DNAH5: variants seen among roughly 807,000 people sequenced by gnomAD.
The protein encoded by DNAH5 is axonemal beta dynein heavy chain 5.
A neutral mutation model predicts 518.2 loss-of-function variants in DNAH5; 372 were observed. That is an observed-to-expected ratio of 0.72 (90% CI 0.66 to 0.78). The LOEUF (loss-of-function observed/expected upper bound fraction) is 0.78, where lower values mean the gene tolerates loss of function less well. Ranked by LOEUF, DNAH5 falls within the 30% of genes least tolerant of loss-of-function variation. The probability of loss-of-function intolerance (pLI) is 0.00; values close to 1 mark genes in which losing one functional copy is unlikely to be tolerated. For synonymous variants in DNAH5, 2,039 were observed against 2,025.9 expected (o/e 1.01, Z -0.17); for missense variants, 5,523 against 5,687.0 (o/e 0.97, Z 0.93).
At chr5:13,994,341 T>G (rs1389424439) in intron 1 of DNAH5, among the ~76,000 whole-genome samples, 1 of 152,196 alleles carries the variant, frequency 6.6e-6, no homozygotes, top group Non-Finnish European at 1.5e-5. Context: ...GCTGAGATCA[T>G]GAATTATTTA....
At position 13,807,576 on chromosome 5, in the gene DNAH5, C is replaced by A; in HGVS notation, c.7887+15G>T. ...ACAAAATTGGGCTTACTGAGCCATACCAAAGAGCCAGTACCTGGAACATCA... is the reference window on the plus strand; with the variant it reads ...ACAAAATTGGGCTTACTGAGCCATAACAAAGAGCCAGTACCTGGAACATCA... On this transcript the variant is annotated intron_variant, in intron 47 of 78. Coordinates refer to ENST00000265104, the MANE Select transcript of DNAH5 (RefSeq NM_001369.3). 6.2e-7 allele frequency: 1 copy of A among 1,612,654 alleles called. No individual in the cohort carries two copies. The highest frequency in any genetic ancestry group is 8.5e-7 in the Non-Finnish European group (1 of 1,179,186).
chr5:13,923,488 A>T, intron 3 of DNAH5, 48 bp from the exon 4 acceptor site: 9 of 1,607,044 alleles, frequency 5.6e-6, no homozygotes, highest in Non-Finnish European at 6.8e-6. Context: ...TTTGCAGTCC[A>T]TGTGGTTCCC....
chr5:13,852,683 G>A (rs1767049626), intron 30 of DNAH5, among the ~76,000 whole-genome samples: 1 of 152,152 alleles, frequency 6.6e-6, no homozygotes, highest in African/African-American at 2.4e-5. Flanking sequence ...GCTTGGTGGG[G>A]GGAGGGGGGT....
rs146413256 is a variant in DNAH5 at position 13,724,328 on chromosome 5, A to C, written c.12034-3083T>G. 2.8e-3 allele frequency among the ~76,000 whole-genome samples: 431 copies of C among 152,264 alleles called. 4 individuals carry two copies. Among genetic ancestry groups the C allele is most frequent in the Admixed American group, 9.1e-3 (139 of 15,304 alleles). ...GTTTCAGACTTGCATAGGGCCTACT[A>C]TTCCTTTCTTTTGGCCAATTTCTCC... On this transcript the variant is annotated intron_variant, in intron 70 of 78. Transcript: ENST00000265104.
intron 77 of DNAH5, 118 bp from the exon 78 acceptor site, chr5:13,700,989 T>C: frequency 9.0e-7 from 1 of 1,107,462 alleles, no homozygotes; most frequent in East Asian, 2.5e-5. Context: ...TACAATAGTA[T>C]TTAAAGAATT....
At position 13,737,236 on chromosome 5, in the gene DNAH5, T is replaced by C; in HGVS notation, c.11455+16A>G. The C allele has an allele frequency of 6.2e-7, 1 of 1,614,032 alleles. No individual in the cohort carries two copies. The highest frequency in any genetic ancestry group is 8.5e-7 in the Non-Finnish European group (1 of 1,179,942). Reference sequence around the variant, plus strand: ...TTCATTTTCCTGTGACATTTGTCTTTCATTACCAAACTCACCAGGTCTGTA... The same window carrying C: ...TTCATTTTCCTGTGACATTTGTCTTCCATTACCAAACTCACCAGGTCTGTA... On this transcript the variant is annotated intron_variant, in intron 66 of 78. Transcript: ENST00000265104.
At chr5:13,886,536 C>G (rs573756500) in intron 17 of DNAH5, among the ~76,000 whole-genome samples, 3 of 152,186 alleles carry the variant, frequency 2.0e-5, no homozygotes, top group Non-Finnish European at 4.4e-5. Context: ...ACCCTTCTAA[C>G]TATATTGTGC....
At position 13,879,620 on chromosome 5, in the gene DNAH5, C is replaced by T. The variant is rs1268776564; in HGVS notation, c.3263-2803G>A. 1.2e-4 allele frequency among the ~76,000 whole-genome samples: 18 copies of T among 151,302 alleles called. 1 individual carries two copies. ...AACAAAGACAGAAAGTATAAAAAAGCACCAAACAGCAAACATAAAACTGAA... is the reference window on the plus strand; with the variant it reads ...AACAAAGACAGAAAGTATAAAAAAGTACCAAACAGCAAACATAAAACTGAA... On this transcript the variant is annotated intron_variant, in intron 21 of 78. Transcript: ENST00000265104.
chr5:13,885,244 AG>A lies in DNAH5; in HGVS notation c.2744-17del. ...TCTCTTTTTGCTGTTACAAGATGAA[AG>A]AGATAGAGATAGAGATAAGTTAGAT... On this transcript the variant is annotated splice_polypyrimidine_tract_variant and intron_variant, in intron 18 of 78. Coordinates refer to ENST00000265104, the MANE Select transcript of DNAH5 (RefSeq NM_001369.3). The A allele has an allele frequency of 6.2e-7, 1 of 1,613,176 alleles. No individual in the cohort carries two copies. The highest frequency in any genetic ancestry group is 8.5e-7 in the Non-Finnish European group (1 of 1,179,592).
chr5:13,726,801 AC>A (rs1745802295), intron 70 of DNAH5, among the ~76,000 whole-genome samples: 1 of 152,134 alleles, frequency 6.6e-6, no homozygotes, highest in African/African-American at 2.4e-5. Flanking sequence ...TCTATTATAA[AC>A]CCAAGGCTAT....
chr5:13,811,204 T>C (rs892634486), intron 44 of DNAH5, among the ~76,000 whole-genome samples: 2 of 152,194 alleles, frequency 1.3e-5, no homozygotes, highest in Non-Finnish European at 2.9e-5. Context: ...ATTGTAATGT[T>C]CATAACACAA....
intron 1 of DNAH5, among the ~76,000 whole-genome samples, chr5:13,949,848 G>T (rs939076795): frequency 1.3e-5 from 2 of 152,172 alleles, no homozygotes; most frequent in Admixed American, 6.5e-5. Context: ...TGTTGTCCTG[G>T]CTTTAGGACG....
intron 52 of DNAH5, among the ~76,000 whole-genome samples, chr5:13,782,048 A>T (rs1348812985): frequency 1.3e-5 from 2 of 152,112 alleles, no homozygotes; most frequent in Non-Finnish European, 2.9e-5. Flanking sequence ...TACCTAGGAG[A>T]GATGGGAATA....
rs2151914299 is a variant in DNAH5, at chr5:13,867,998, A to G, written c.3835-6T>C. ...TTAAGCAGGGCATAAGATTCCTAAA[A>G]AAAAATAGGAAAAACTTAATTTTGG... On this transcript the variant is annotated splice_region_variant and splice_polypyrimidine_tract_variant and intron_variant, in intron 24 of 78. Coordinates refer to ENST00000265104, the MANE Select transcript of DNAH5 (RefSeq NM_001369.3). The G allele has an allele frequency of 6.2e-7, 1 of 1,611,154 alleles. No homozygotes were observed. The highest frequency in any genetic ancestry group is 2.2e-5 in the East Asian group (1 of 44,840).
intron 30 of DNAH5, among the ~76,000 whole-genome samples, chr5:13,851,070 CAAAAGTAAT>C (rs1246518626): frequency 6.6e-6 from 1 of 152,060 alleles, no homozygotes; most frequent in African/African-American, 2.4e-5. Flanking sequence ...GAAATGAATA[CAAAAGTAAT>C]AATACAATTC....
chr5:14,001,450 G>A (rs947811395), intron 1 of DNAH5, among the ~76,000 whole-genome samples: 6 of 150,574 alleles, frequency 4.0e-5, no homozygotes, highest in Admixed American at 1.3e-4. Flanking sequence ...TGCCAACTCC[G>A]CCTCCTGGGT....
In DNAH5 at chr5:13,690,612, A is replaced by C. The variant is rs1740608196; in HGVS notation, c.*1372T>G. 1 of 152,170 alleles carries C rather than the reference A, an allele frequency of 6.6e-6. No homozygotes were observed. Among genetic ancestry groups the C allele is most frequent in the Admixed American group, 6.5e-5 (1 of 15,282 alleles). The allele number at this position is 152,170 out of a possible 1,614,324, so 9.4% of individuals were successfully genotyped here. A position where few individuals can be genotyped will look rare whatever the true frequency, so the allele number is the denominator to read the frequency against. Reference sequence around the variant, plus strand: ...TGTCTCCCGGTATCCACCTACCAAAAACTGTTTATCCAAAAAAATGCAGTT... The same window carrying C: ...TGTCTCCCGGTATCCACCTACCAAACACTGTTTATCCAAAAAAATGCAGTT... On this transcript the variant is annotated 3_prime_UTR_variant, in exon 79 of 79. Coordinates refer to ENST00000265104, the MANE Select transcript of DNAH5 (RefSeq NM_001369.3).
chr5:13,758,440 A>T (rs1252581248), intron 61 of DNAH5, among the ~76,000 whole-genome samples: 1 of 152,196 alleles, frequency 6.6e-6, no homozygotes, highest in Non-Finnish European at 1.5e-5. Context: ...GGCTGCAGTG[A>T]GCCATGATCA....
intron 67 of DNAH5, 123 bp from the exon 68 acceptor site, chr5:13,735,444 G>A (rs1051933044): frequency 3.4e-6 from 3 of 893,250 alleles, no homozygotes; most frequent in Non-Finnish European, 5.2e-6. Context: ...TACACATCAA[G>A]AGAAAGCCTC....
Sources: gnomAD v4.1 joint callset for allele counts (sites outside exome capture counted in the v4.1 genomes callset) on GRCh38, gnomAD v4.1.1 for gene constraint, MANE v1.5 for transcripts, NCBI Gene and HGNC (gene_info 2026-07-23, HGNC 2026-07-21) for gene names.